EYA3: variants seen among roughly 807,000 people sequenced by gnomAD.
EYA3 encodes the protein protein phosphatase EYA3.
In EYA3, 39 loss-of-function variants were observed where a neutral mutation model predicts 80.0. The observed-to-expected ratio is 0.49, with a 90% CI of 0.38 to 0.64. The LOEUF is 0.64. Ranked by LOEUF, EYA3 falls within the 30% of genes least tolerant of loss-of-function variation. The pLI, the probability that EYA3 is intolerant of heterozygous loss-of-function variation, is 0.00. For synonymous variants in EYA3, 206 were observed against 232.8 expected, an observed-to-expected ratio of 0.88 and a Z score of 1.05; for missense variants, 523 against 676.1, an observed-to-expected ratio of 0.77 and a Z score of 2.51.
At chr1:28,079,786 A>C (rs1003163196) in intron 1 of EYA3, among the ~76,000 whole-genome samples, 9 of 151,730 alleles carry the variant, frequency 5.9e-5, no homozygotes, top group African/African-American at 2.2e-4. Flanking sequence ...TAGCAAACCT[A>C]AACATTTTCT....
chr1:28,022,991 A>T (rs1642542886), intron 7 of EYA3, among the ~76,000 whole-genome samples: 1 of 151,874 alleles, frequency 6.6e-6, no homozygotes, highest in South Asian at 2.1e-4. Context: ...AGGATTCCTT[A>T]AAAAAAATGG....
intron 6 of EYA3, among the ~76,000 whole-genome samples, chr1:28,031,425 A>T (rs961604263): frequency 2.0e-5 from 3 of 152,364 alleles, no homozygotes; most frequent in Middle Eastern, 3.4e-3. Context: ...AAGTTTCTCA[A>T]GTACTTTTAA....
At chr1:28,016,532 TA>T (rs11318124) in intron 8 of EYA3, among the ~76,000 whole-genome samples, 53,046 of 113,872 alleles carry the variant, frequency 0.47, 10,898 homozygotes, top group Non-Finnish European at 0.53. Flanking sequence ...GACTCCATCT[TA>T]AAAAAAAAAA....
chr1:28,075,103 C>T (rs921769192), intron 1 of EYA3, among the ~76,000 whole-genome samples: 5 of 152,168 alleles, frequency 3.3e-5, no homozygotes, highest in African/African-American at 4.8e-5. Flanking sequence ...ACAACCCTTC[C>T]TTAGCCTTTA....
chr1:27,997,425 A>G (rs773630109), intron 12 of EYA3, 47 bp from the exon 13 acceptor site: 12 of 1,488,442 alleles, frequency 8.1e-6, no homozygotes, highest in Non-Finnish European at 1.0e-5. Flanking sequence ...AGTAGAAGTG[A>G]TATTACCATC....
In EYA3 at chr1:28,035,582, T is replaced by C. The variant is rs1401895981; in HGVS notation, c.323A>G (p.Tyr108Cys). 1 of 1,613,942 alleles carries C rather than the reference T, an allele frequency of 6.2e-7. No individual in the cohort carries two copies. The highest frequency in any genetic ancestry group is 1.3e-5 in the African/African-American group (1 of 74,894). The change falls in exon 6 of 18, where the codon TAC becomes TGC. Residue 108 changes from tyrosine to cysteine, a missense_variant. Physicochemically the swap from Tyr to Cys is radical, Grantham distance 194 (BLOSUM62 -2). This residue lies in a region of EYA3 where 304 missense variants were observed against 343.3 expected (regional missense o/e 0.89). Transcript: ENST00000373871. ...TCCATACGTTTGGGTTGCCTGAGGG[T>C]AGACAGCATAGGGTTGAGTCTGCTG... ...TLQQTQPYAVYPQATQTYGLP... is the reference protein window; with the variant it reads ...TLQQTQPYAVCPQATQTYGLP...
At chr1:27,991,856 C>T (rs1464255645) in intron 14 of EYA3, among the ~76,000 whole-genome samples, 1 of 152,042 alleles carries the variant, frequency 6.6e-6, no homozygotes, top group Admixed American at 6.6e-5. Flanking sequence ...AAACCAGGTC[C>T]AGGCATTGGG....
chr1:28,040,124 T>C (rs554318631), intron 4 of EYA3, among the ~76,000 whole-genome samples: 1 of 152,328 alleles, frequency 6.6e-6, no homozygotes, highest in South Asian at 2.1e-4. Context: ...AGAGTCAAGA[T>C]ATAATATCCA....
intron 2 of EYA3, among the ~76,000 whole-genome samples, chr1:28,049,691 G>C (rs760459012): frequency 6.6e-6 from 1 of 152,108 alleles, no homozygotes; most frequent in Non-Finnish European, 1.5e-5. Context: ...CACTGAAAGA[G>C]GTGAGGGAAA....
intron 7 of EYA3, among the ~76,000 whole-genome samples, chr1:28,021,426 C>T (rs1164166615): frequency 3.7e-4 from 56 of 151,972 alleles, no homozygotes; most frequent in Admixed American, 3.7e-3. Context: ...TGTATTTACT[C>T]ACTTGTTTTC....
intron 13 of EYA3, among the ~76,000 whole-genome samples, 188 bp downstream of exon 13, chr1:27,997,132 C>T (rs765354457): frequency 1.3e-5 from 2 of 152,226 alleles, no homozygotes; most frequent in Non-Finnish European, 2.9e-5. Context: ...TCGTGCTCCA[C>T]GGCATTTTCT....
At chr1:27,978,863 G>A (rs1282482128) in intron 16 of EYA3, among the ~76,000 whole-genome samples, 4 of 152,232 alleles carry the variant, frequency 2.6e-5, no homozygotes, top group Non-Finnish European at 2.9e-5. Context: ...TGGGGAGGCT[G>A]AGGCAGGAGA....
At chr1:28,019,122 C>T (rs761277769) in intron 7 of EYA3, among the ~76,000 whole-genome samples, 5 of 152,078 alleles carry the variant, frequency 3.3e-5, no homozygotes, top group African/African-American at 7.2e-5. Flanking sequence ...GCTGAGATCG[C>T]GCCACTGCAC....
chr1:28,011,178 A>T, intron 9 of EYA3, 92 bp from the exon 10 acceptor site: 1 of 1,362,804 alleles, frequency 7.3e-7, no homozygotes, highest in Non-Finnish European at 1.0e-6. Flanking sequence ...TGCCCTTGTG[A>T]GTCATAATGC....
chr1:28,010,696 G>A, intron 10 of EYA3: 1 of 419,930 alleles, frequency 2.4e-6, no homozygotes, highest in African/African-American at 2.0e-5. Flanking sequence ...ATAGAGAACA[G>A]TATGACTTTA....
intron 10 of EYA3, 81 bp from the exon 11 acceptor site, chr1:28,004,500 C>T (rs1641130522): frequency 2.0e-6 from 2 of 981,424 alleles, no homozygotes; most frequent in Middle Eastern, 2.4e-4. Context: ...AGAAAGAGAA[C>T]TGGGAAATTC....
chr1:27,994,267 G>A (rs558214587), intron 13 of EYA3, among the ~76,000 whole-genome samples: 76 of 152,350 alleles, frequency 5.0e-4, no homozygotes, highest in African/African-American at 1.8e-3. Context: ...GGAGAGGTAT[G>A]TGTAATGAGG....
intron 1 of EYA3, among the ~76,000 whole-genome samples, chr1:28,082,001 A>G (rs2148957229): frequency 6.6e-6 from 1 of 152,280 alleles, no homozygotes; most frequent in Non-Finnish European, 1.5e-5. Flanking sequence ...TTAAATGTTT[A>G]ACTAAAAGTA....
intron 1 of EYA3, among the ~76,000 whole-genome samples, chr1:28,073,594 C>G (rs960571645): frequency 1.7e-4 from 26 of 151,988 alleles, no homozygotes; most frequent in Admixed American, 6.6e-4. Context: ...GCCATTGCAC[C>G]CAGCCTAATT....
Sources: allele counts gnomAD v4.1 joint callset (sites outside exome capture counted in the v4.1 genomes callset), GRCh38; gene constraint gnomAD v4.1.1; regional missense constraint gnomAD v4.1.1; transcripts MANE v1.5; gene names NCBI Gene and HGNC (gene_info 2026-07-23, HGNC 2026-07-21).